TMEM17: variants seen among roughly 807,000 people sequenced by gnomAD.
The protein encoded by TMEM17 is transmembrane protein 17.
A neutral mutation model predicts 19.1 loss-of-function variants in TMEM17; 15 were observed. That is an observed-to-expected ratio of 0.78 (90% confidence interval 0.52 to 1.21). TMEM17 has a LOEUF of 1.21. TMEM17 is among the 50% of genes most tolerant of loss of function. The pLI, the probability that TMEM17 is intolerant of heterozygous loss-of-function variation, is 0.00. For synonymous variants in TMEM17, 103 were observed against 86.9 expected (o/e 1.19, Z -1.03); for missense variants, 245 against 242.3 (o/e 1.01, Z -0.07).
the TMEM17 span, among the ~76,000 whole-genome samples, chr2:62,455,659 C>T: frequency 6.6e-5 from 10 of 152,194 alleles, no homozygotes; most frequent in South Asian, 1.2e-3. Flanking sequence ...CCCAGCTACT[C>T]GGGAGGCTGA....
the TMEM17 span, among the ~76,000 whole-genome samples, chr2:62,484,243 C>G: frequency 6.6e-6 from 1 of 152,224 alleles, no homozygotes; most frequent in Non-Finnish European, 1.5e-5. Flanking sequence ...GAACCTATAT[C>G]TGCGCTTTCC....
chr2:62,505,912 C>G, intron 1 of TMEM17, 118 bp downstream of exon 1: 1 of 1,024,420 alleles, frequency 9.8e-7, no homozygotes, highest in Non-Finnish European at 1.5e-6. Flanking sequence ...TCCCGCACTG[C>G]GGAGAACTGG....
the TMEM17 span, among the ~76,000 whole-genome samples, chr2:62,486,681 G>C: frequency 6.6e-6 from 1 of 152,202 alleles, no homozygotes; most frequent in Non-Finnish European, 1.5e-5. Context: ...AAGAGACAAA[G>C]TGGATGCTGT....
chr2:62,495,473 A>G (rs1448881901), downstream of TMEM17, among the ~76,000 whole-genome samples: 2 of 152,208 alleles, frequency 1.3e-5, no homozygotes, highest in Non-Finnish European at 2.9e-5. Flanking sequence ...ATAACTATTT[A>G]GTTTTGCTTT....
At chr2:62,502,936 T>G in intron 1 of TMEM17, 142 bp from the exon 2 acceptor site, 1 of 425,858 alleles carries the variant, frequency 2.3e-6, no homozygotes, top group Admixed American at 4.3e-5. Context: ...TCATTGACAG[T>G]AAAAGGAATA....
At chr2:62,466,127 TGAGA>T in the TMEM17 span, among the ~76,000 whole-genome samples, 2 of 152,170 alleles carry the variant, frequency 1.3e-5, no homozygotes, top group Non-Finnish European at 2.9e-5. Context: ...ACAAAGGATC[TGAGA>T]GAGAGGAAAC....
chr2:62,477,897 G>C, the TMEM17 span, among the ~76,000 whole-genome samples: 1 of 152,188 alleles, frequency 6.6e-6, no homozygotes, highest in Non-Finnish European at 1.5e-5. Context: ...CAGACTTTAA[G>C]GCACTCATGT....
the TMEM17 span, among the ~76,000 whole-genome samples, chr2:62,477,232 A>G: frequency 1.3e-5 from 2 of 152,116 alleles, no homozygotes; most frequent in Admixed American, 1.3e-4. Flanking sequence ...CCCCATCTCT[A>G]CTAAAAATAC....
the TMEM17 span, among the ~76,000 whole-genome samples, chr2:62,471,244 T>C: frequency 0.12 from 17,759 of 152,064 alleles, 1,391 homozygotes; most frequent in African/African-American, 0.22. Flanking sequence ...TTAGAACCAA[T>C]TGGGGAAGTA....
the TMEM17 span, among the ~76,000 whole-genome samples, chr2:62,467,902 C>G: frequency 9.8e-6 from 1 of 102,560 alleles, no homozygotes; most frequent in Non-Finnish European, 2.1e-5. Context: ...TTTTTTTTTT[C>G]TAATCAGAAA....
At chr2:62,458,606 A>G in the TMEM17 span, among the ~76,000 whole-genome samples, 4 of 152,202 alleles carry the variant, frequency 2.6e-5, no homozygotes, top group African/African-American at 9.7e-5. Flanking sequence ...AATGGGACTC[A>G]TTGCACTCTG....
chr2:62,469,698 TAGA>T, the TMEM17 span, among the ~76,000 whole-genome samples: 1 of 152,184 alleles, frequency 6.6e-6, no homozygotes, highest in African/African-American at 2.4e-5. Context: ...GTCAGGAAGA[TAGA>T]AGGACAGAAG....
At chr2:62,494,222 C>T in the TMEM17 span, among the ~76,000 whole-genome samples, 22 of 152,130 alleles carry the variant, frequency 1.4e-4, no homozygotes, top group African/African-American at 4.1e-4. Context: ...AAAATCATAG[C>T]GTACTAAAAA....
At chr2:62,493,221 C>T in the TMEM17 span, among the ~76,000 whole-genome samples, 1 of 151,748 alleles carries the variant, frequency 6.6e-6, no homozygotes, top group Admixed American at 6.6e-5. Flanking sequence ...AGAGACAGGG[C>T]ATCACTATGT....
At chr2:62,498,914 C>G (rs534423522), downstream of TMEM17, among the ~76,000 whole-genome samples, 1 of 152,070 alleles carries the variant, frequency 6.6e-6, no homozygotes, top group South Asian at 2.1e-4. Flanking sequence ...GCCTAACCCC[C>G]AAATGTGCTG....
chr2:62,482,767 A>G, the TMEM17 span, among the ~76,000 whole-genome samples: 3 of 152,218 alleles, frequency 2.0e-5, no homozygotes, highest in African/African-American at 7.2e-5. Context: ...TAGAAAAGAA[A>G]GATCATTTGG....
At chr2:62,483,746 C>T in the TMEM17 span, among the ~76,000 whole-genome samples, 4 of 151,830 alleles carry the variant, frequency 2.6e-5, no homozygotes, top group Non-Finnish European at 4.4e-5. Flanking sequence ...ATTACAGGCA[C>T]GTGCCACCGC....
the TMEM17 span, among the ~76,000 whole-genome samples, chr2:62,458,730 A>T: frequency 6.6e-6 from 1 of 151,946 alleles, no homozygotes; most frequent in South Asian, 2.1e-4. Flanking sequence ...GGTTCTTGCT[A>T]CTCCTGGACA....
At chr2:62,502,924 A>T in intron 1 of TMEM17, 130 bp from the exon 2 acceptor site, 1 of 438,844 alleles carries the variant, frequency 2.3e-6, no homozygotes, top group Admixed American at 4.3e-5. Flanking sequence ...GCCTATTTAT[A>T]ATCATTGACA....
Sources: allele counts gnomAD v4.1 joint callset (sites outside exome capture counted in the v4.1 genomes callset), GRCh38; gene constraint gnomAD v4.1.1; transcripts MANE v1.5; gene names NCBI Gene and HGNC (gene_info 2026-07-23, HGNC 2026-07-21).